The following DCHS2 variants were observed in gnomAD, a reference collection of about 807,000 sequenced individuals.
DCHS2 encodes the protein dachsous cadherin-related 2.
Under a neutral mutation model 182.4 loss-of-function variants are expected in DCHS2, and 142 were observed. That is an observed-to-expected ratio of 0.78 (90% confidence interval 0.68 to 0.89). DCHS2 has a LOEUF of 0.89. Among genes scored for constraint, DCHS2 ranks in the 40% least tolerant of loss-of-function variants. The pLI is 0.00. For synonymous variants in DCHS2, 1,740 were observed against 1,663.3 expected, an observed-to-expected ratio of 1.05 and a Z score of -1.12; for missense variants, 4,319 against 4,198.6, an observed-to-expected ratio of 1.03 and a Z score of -0.79.
At chr4:154,476,017 AC>A (rs997964918) in intron 1 of DCHS2, among the ~76,000 whole-genome samples, 1 of 152,164 alleles carries the variant, frequency 6.6e-6, no homozygotes, top group Non-Finnish European at 1.5e-5. Context: ...AAAGTGCCTC[AC>A]AATATTGGCA....
chr4:154,334,674 T>A (rs1043884056), intron 4 of DCHS2, 194 bp downstream of exon 4: 9 of 556,236 alleles, frequency 1.6e-5, no homozygotes, highest in African/African-American at 9.4e-5. Context: ...ATTATTTTTG[T>A]GATCAGAAAA....
At chr4:154,263,698 AAAAAG>A (rs891898228) in intron 14 of DCHS2, among the ~76,000 whole-genome samples, 4 of 151,932 alleles carry the variant, frequency 2.6e-5, no homozygotes, top group Non-Finnish European at 5.9e-5. Flanking sequence ...AAAAAAAAAA[AAAAAG>A]AAAACTGAAA....
At chr4:154,357,119 T>G in intron 3 of DCHS2, 3 of 720,872 alleles carry the variant, frequency 4.2e-6, no homozygotes, top group Non-Finnish European at 4.8e-6. Flanking sequence ...ACCTTTGGCC[T>G]GCGAAGTTGT....
chr4:154,467,956 A>C (rs1735305312), intron 1 of DCHS2, among the ~76,000 whole-genome samples: 1 of 152,152 alleles, frequency 6.6e-6, no homozygotes, highest in Non-Finnish European at 1.5e-5. Context: ...ATGCACATTT[A>C]GTCATTGTGA....
chr4:154,332,608 G>A lies in DCHS2; in HGVS notation c.3600C>T (p.Val1200=). 6.2e-7 allele frequency: 1 copy of A among 1,614,150 alleles called. No individual in the cohort carries two copies. The highest frequency in any genetic ancestry group is 8.5e-7 in the Non-Finnish European group (1 of 1,180,040). ...TFLHDVLFLK[V]EESPVPQGVI... ...CCCCTTGGGGAACAGGGCTCTCTTC[G>A]ACTTTCAAAAACAACACATCATGCA... Residue 1200 remains valine (V), a synonymous_variant, in exon 5 of 20, where the codon GTC becomes GTT. Coordinates refer to ENST00000357232, the MANE Select transcript of DCHS2 (RefSeq NM_001358235.2).
At chr4:154,347,344 A>G (rs1486947700) in intron 3 of DCHS2, among the ~76,000 whole-genome samples, 1 of 150,886 alleles carries the variant, frequency 6.6e-6, no homozygotes, top group Non-Finnish European at 1.5e-5. Flanking sequence ...AGAAAAGAGC[A>G]TGGAGTCAGA....
intron 1 of DCHS2, among the ~76,000 whole-genome samples, chr4:154,446,766 G>A (rs1374071602): frequency 6.6e-6 from 1 of 151,942 alleles, no homozygotes; most frequent in African/African-American, 2.4e-5. Context: ...GCAAGTTACT[G>A]GCTAGAAAAA....
rs143506565 is a variant in DCHS2 at position 154,484,976 on chromosome 4, A to G, written c.2052+4328T>C. Among the ~76,000 whole-genome samples the G allele has an allele frequency of 2.9e-3, 437 of 152,362 alleles. 2 individuals carry two copies. Among genetic ancestry groups the G allele is most frequent in the African/African-American group, 9.9e-3 (410 of 41,588 alleles). On this transcript the variant is annotated intron_variant, in intron 1 of 19. Transcript: ENST00000357232. ...CATCCATGACAGGTTGTAAATAAAA[A>G]TGTACATAACAGAGAATCCCCGATC...
chr4:154,413,047 T>C (rs1248841365), intron 1 of DCHS2, among the ~76,000 whole-genome samples: 3 of 152,098 alleles, frequency 2.0e-5, no homozygotes, highest in African/African-American at 7.2e-5. Flanking sequence ...TTTACACTGG[T>C]AGGGAGGTTA....
intron 13 of DCHS2, among the ~76,000 whole-genome samples, chr4:154,282,468 A>G (rs1734190439): frequency 6.6e-6 from 1 of 151,970 alleles, no homozygotes; most frequent in Non-Finnish European, 1.5e-5. Flanking sequence ...ATTACCTTAT[A>G]CCCATTAGGA....
chr4:154,306,487 C>G (rs1735446366), intron 10 of DCHS2, among the ~76,000 whole-genome samples: 1 of 152,134 alleles, frequency 6.6e-6, no homozygotes, highest in South Asian at 2.1e-4. Flanking sequence ...TTATTCCTAT[C>G]TCTGCCTACA....
intron 1 of DCHS2, among the ~76,000 whole-genome samples, chr4:154,430,308 T>A (rs1733506311): frequency 2.6e-5 from 4 of 152,042 alleles, no homozygotes; most frequent in Admixed American, 2.6e-4. Flanking sequence ...GTTTTCAGAG[T>A]CCAACTGAGA....
At chr4:154,451,409 G>A (rs1292864896) in intron 1 of DCHS2, among the ~76,000 whole-genome samples, 1 of 152,140 alleles carries the variant, frequency 6.6e-6, no homozygotes, top group African/African-American at 2.4e-5. Context: ...AGTTGGGTGT[G>A]CATAACAGTA....
intron 1 of DCHS2, among the ~76,000 whole-genome samples, chr4:154,399,642 T>C (rs1258717752): frequency 6.6e-6 from 1 of 152,218 alleles, no homozygotes; most frequent in Non-Finnish European, 1.5e-5. Context: ...GGAGTTGCTA[T>C]CTTTAATATT....
chr4:154,341,368 CAAAAAAAAA>C (rs369958308), intron 3 of DCHS2, among the ~76,000 whole-genome samples: 2 of 58,584 alleles, frequency 3.4e-5, no homozygotes, highest in African/African-American at 6.0e-5. Context: ...GACTCTGTCT[CAAAAAAAAA>C]AAAAAAAAAG....
chr4:154,342,956 G>C (rs566650726), intron 3 of DCHS2, among the ~76,000 whole-genome samples: 3 of 152,162 alleles, frequency 2.0e-5, no homozygotes, highest in Non-Finnish European at 4.4e-5. Context: ...ATACTTGAAA[G>C]TCAAAATTAC....
intron 2 of DCHS2, among the ~76,000 whole-genome samples, chr4:154,369,753 C>G (rs528518980): frequency 6.6e-6 from 1 of 152,248 alleles, no homozygotes; most frequent in South Asian, 2.1e-4. Context: ...ACTGATGATT[C>G]ATGTGGCATT....
rs1274602276 is a variant in DCHS2 at position 154,377,456 on chromosome 4, G to A, written c.2053-12C>T. Reference sequence around the variant, plus strand: ...TCAGAGGCTGTCACCTGTGAGACAGGAGGGTGATCAGGAGGAAACAGAAAT... The same window carrying A: ...TCAGAGGCTGTCACCTGTGAGACAGAAGGGTGATCAGGAGGAAACAGAAAT... On this transcript the variant is annotated splice_polypyrimidine_tract_variant and intron_variant, in intron 1 of 19. Coordinates refer to ENST00000357232, the MANE Select transcript of DCHS2 (RefSeq NM_001358235.2). The A allele has an allele frequency of 2.5e-6, 4 of 1,603,606 alleles. No individual in the cohort carries two copies. The Admixed American group carries it at 5.1e-5, about 20-fold the overall frequency.
chr4:154,282,474 T>G (rs1010695330), intron 13 of DCHS2, among the ~76,000 whole-genome samples: 2 of 151,726 alleles, frequency 1.3e-5, no homozygotes, highest in Non-Finnish European at 2.9e-5. Flanking sequence ...TTATACCCAT[T>G]AGGATGGCAT....
Sources: allele counts gnomAD v4.1 joint callset (sites outside exome capture counted in the v4.1 genomes callset), GRCh38; gene constraint gnomAD v4.1.1; transcripts MANE v1.5; gene names NCBI Gene and HGNC (gene_info 2026-07-23, HGNC 2026-07-21).